CCDC12: variants seen among roughly 807,000 people sequenced by gnomAD.
The protein encoded by CCDC12 is coiled-coil domain-containing protein 12.
In CCDC12, 28 loss-of-function variants were observed where a neutral mutation model predicts 25.7. That is an observed-to-expected ratio of 1.09 (90% CI 0.81 to 1.50). The LOEUF (loss-of-function observed/expected upper bound fraction) is 1.50. Ranked by LOEUF, CCDC12 falls within the 40% of genes most tolerant of loss-of-function variation. The pLI is 0.00. For synonymous variants in CCDC12, 75 were observed against 87.7 expected (o/e 0.86, Z 0.81); for missense variants, 198 against 210.0 (o/e 0.94, Z 0.35).
intron 1 of CCDC12, among the ~76,000 whole-genome samples, chr3:46,965,553 C>T (rs966729858): frequency 6.6e-6 from 1 of 152,210 alleles, no homozygotes; most frequent in Non-Finnish European, 1.5e-5. Flanking sequence ...TGTTTCTCCC[C>T]AGCATATCAG....
chr3:46,967,852 G>A (rs1282774545), intron 1 of CCDC12, among the ~76,000 whole-genome samples: 1 of 152,178 alleles, frequency 6.6e-6, no homozygotes, highest in Non-Finnish European at 1.5e-5. Context: ...GAATGCCAGG[G>A]ACTGATCAGA....
intron 1 of CCDC12, among the ~76,000 whole-genome samples, chr3:46,975,548 T>C (rs2034945438): frequency 1.8e-5 from 1 of 56,810 alleles, no homozygotes; most frequent in African/African-American, 4.8e-5. Flanking sequence ...TTTTTTTTTT[T>C]GAGACGGAGT....
At chr3:46,923,443 A>T (rs1449845732) in intron 4 of CCDC12, 80 bp from the exon 5 acceptor site, 1 of 1,546,508 alleles carries the variant, frequency 6.5e-7, no homozygotes, top group Non-Finnish European at 8.8e-7. Context: ...AAGGAGGGAA[A>T]TGGGAGAAAG....
intron 1 of CCDC12, among the ~76,000 whole-genome samples, chr3:46,975,405 G>T (rs1453933774): frequency 6.6e-6 from 1 of 151,968 alleles, no homozygotes; most frequent in East Asian, 1.9e-4. Flanking sequence ...GGCTGATCTC[G>T]AACTCCTGAC....
chr3:46,966,294 C>T (rs1438049564), intron 1 of CCDC12, among the ~76,000 whole-genome samples: 2 of 152,212 alleles, frequency 1.3e-5, no homozygotes, highest in Non-Finnish European at 2.9e-5. Flanking sequence ...AGGGAGACGA[C>T]TTGAGACCAG....
chr3:46,976,401 C>A (rs1288600200), intron 1 of CCDC12: 23 of 1,410,818 alleles, frequency 1.6e-5, no homozygotes, highest in Non-Finnish European at 1.9e-5. Context: ...GGGTCGCTGA[C>A]CACTGCCTTG....
At position 46,951,825 on chromosome 3, in the gene CCDC12, T is replaced by TATATATATATA. The variant is rs1559559184; in HGVS notation, c.97-10761_97-10760insTATATATATAT. Among the ~76,000 whole-genome samples the TATATATATATA allele has an allele frequency of 1.7e-3, 50 of 30,026 alleles. 2 individuals are homozygous for TATATATATATA. The highest frequency in any genetic ancestry group is 2.2e-3 in the Non-Finnish European group (29 of 13,440). The allele number at this position is 30,026 out of a possible 152,430, so 19.7% of individuals were successfully genotyped here. ...TATATATATATATATATATATATAC[T>TATATATATATA]TAATGAGGATCAAATTAACAATGAT... On this transcript the variant is annotated intron_variant, in intron 1 of 6. Transcript: ENST00000683445.
At chr3:46,979,748 G>GCTCCGCCCCGGAGTGACGCC, upstream of CCDC12, 1 of 325,886 alleles carries the variant, frequency 3.1e-6, no homozygotes, top group Non-Finnish European at 5.6e-6. Context: ...GTACCGCGCC[G>GCTCCGCCCCGGAGTGACGCC]CTCCGCCCCG....
chr3:46,976,326 A>T, intron 1 of CCDC12: 1 of 1,278,174 alleles, frequency 7.8e-7, no homozygotes, highest in Non-Finnish European at 9.9e-7. Context: ...CAAGCATCTG[A>T]ACCTACAGGC....
chr3:46,963,590 C>A (rs887472096), intron 1 of CCDC12, among the ~76,000 whole-genome samples: 3 of 152,212 alleles, frequency 2.0e-5, no homozygotes, highest in African/African-American at 4.8e-5. Context: ...CGAGTGCCTG[C>A]GATCGCAGGC....
intron 1 of CCDC12, among the ~76,000 whole-genome samples, chr3:46,963,487 G>T (rs879721919): frequency 2.0e-4 from 31 of 151,690 alleles, no homozygotes; most frequent in African/African-American, 4.1e-4. Context: ...CTCTTTCCAC[G>T]GTCTCCCTCT....
chr3:46,967,583 C>T (rs1345444442), intron 1 of CCDC12, among the ~76,000 whole-genome samples: 1 of 152,180 alleles, frequency 6.6e-6, no homozygotes, highest in Admixed American at 6.5e-5. Flanking sequence ...CACAGCCTCT[C>T]CCCAACACAC....
intron 2 of CCDC12, among the ~76,000 whole-genome samples, chr3:46,936,893 T>TCA (rs1409930998): frequency 6.6e-6 from 1 of 151,868 alleles, no homozygotes. Flanking sequence ...GGCCCTGGGG[T>TCA]CACCCAGTCA....
intron 1 of CCDC12, among the ~76,000 whole-genome samples, chr3:46,956,104 T>A (rs1392896339): frequency 6.6e-6 from 1 of 152,236 alleles, no homozygotes; most frequent in Non-Finnish European, 1.5e-5. Context: ...CCCTAAGGCT[T>A]AGGTCTGCTT....
intron 1 of CCDC12, among the ~76,000 whole-genome samples, chr3:46,962,127 C>G (rs2034481298): frequency 6.6e-6 from 1 of 152,140 alleles, no homozygotes; most frequent in Non-Finnish European, 1.5e-5. Flanking sequence ...TTAAGAACTA[C>G]TATTCGCCAA....
At chr3:46,981,477 C>T (rs2035334331), upstream of CCDC12, among the ~76,000 whole-genome samples, 1 of 152,138 alleles carries the variant, frequency 6.6e-6, no homozygotes, top group Admixed American at 6.5e-5. Flanking sequence ...TGACACAGCC[C>T]TGACCTCAGG....
chr3:46,938,494 T>C (rs933222892), intron 2 of CCDC12, among the ~76,000 whole-genome samples: 6 of 150,244 alleles, frequency 4.0e-5, no homozygotes, highest in Admixed American at 4.0e-4. Flanking sequence ...TTTGCCATAT[T>C]CCAGACAGGT....
chr3:46,923,119 C>T (rs184286850), intron 5 of CCDC12: 62 of 445,890 alleles, frequency 1.4e-4, no homozygotes, highest in Non-Finnish European at 2.1e-4. Context: ...TGCTGCTCCC[C>T]GCGCCTGAGC....
intron 1 of CCDC12, 126 bp downstream of exon 1, chr3:46,976,511 G>A: frequency 5.5e-6 from 8 of 1,446,108 alleles, no homozygotes; most frequent in Non-Finnish European, 7.3e-6. Flanking sequence ...TCGCGCATGC[G>A]TTAGCGCCCG....
Sources: gnomAD v4.1 joint callset for allele counts (sites outside exome capture counted in the v4.1 genomes callset) on GRCh38, gnomAD v4.1.1 for gene constraint, MANE v1.5 for transcripts, NCBI Gene and HGNC (gene_info 2026-07-23, HGNC 2026-07-21) for gene names.